Variants in FAM217A observed in about 807,000 individuals in gnomAD.
FAM217A encodes the protein family with sequence similarity 217 member A, also known as protein FAM217A.
Under a neutral mutation model 18.5 loss-of-function variants are expected in FAM217A, and 13 were observed. The ratio of observed to expected loss-of-function variants is 0.70; its 90% CI spans 0.46 to 1.12. The LOEUF is 1.12. FAM217A is among the 50% of genes most tolerant of loss of function. FAM217A has a pLI of 0.00. For synonymous variants in FAM217A, 161 were observed against 202.8 expected, an observed-to-expected ratio of 0.79 and a Z score of 1.75; for missense variants, 560 against 575.4, an observed-to-expected ratio of 0.97 and a Z score of 0.27.
intron 6 of FAM217A, among the ~76,000 whole-genome samples, chr6:4,071,422 GT>G (rs1364276126): frequency 6.6e-6 from 1 of 152,108 alleles, no homozygotes; most frequent in Non-Finnish European, 1.5e-5. Context: ...ACATTGTTCT[GT>G]TTAGTCCTCA....
Position 4,072,190 on chromosome 6 carries a change from A to G in FAM217A, c.302+1085T>C, listed in dbSNP as rs143748016. On this transcript the variant is annotated intron_variant, in intron 6 of 6. Coordinates refer to ENST00000274673, the MANE Select transcript of FAM217A (RefSeq NM_173563.3). ...ACCCCATCTCTACTAAAAATACAAA[A>G]ATTAGCCAGGCATGGTGGCGGGCAC... Among the ~76,000 whole-genome samples, 146 of 152,114 alleles carry G rather than the reference A, an allele frequency of 9.6e-4. 1 individual carries two copies. The highest frequency in any genetic ancestry group is 3.3e-3 in the African/African-American group (136 of 41,494).
intron 4 of FAM217A, among the ~76,000 whole-genome samples, 200 bp downstream of exon 4, chr6:4,074,243 C>T (rs1361904141): frequency 1.3e-5 from 2 of 152,116 alleles, no homozygotes; most frequent in African/African-American, 2.4e-5. Flanking sequence ...TATTGTTATA[C>T]TGAAAAATAC....
At position 4,068,410 on chromosome 6, in the gene FAM217A, A is replaced by G. The variant is rs983813326; in HGVS notation, c.*286T>C. On this transcript the variant is annotated 3_prime_UTR_variant, in exon 7 of 7. Transcript: ENST00000274673. The stretch of plus-strand genomic sequence containing the variant: ...GATGGAATTATACTGGAAAACAATC[A>G]CTGAAAAAAGAGTAGCCTTTTGAAT... 37 of 272,744 alleles carry G rather than the reference A, an allele frequency of 1.4e-4. No homozygotes were observed. Among genetic ancestry groups the G allele is most frequent in the African/African-American group, 6.6e-4 (30 of 45,584 alleles). 16.9% of individuals were successfully genotyped at this position (272,744 alleles called of 1,614,324 possible).
Position 4,068,838 on chromosome 6 carries a change from G to C in FAM217A, c.1385C>G (p.Pro462Arg), listed in dbSNP as rs1384307527. The change falls in exon 7 of 7, where the codon CCG becomes CGG. Residue 462 changes from proline to arginine, a missense_variant. Pro to Arg is a moderately radical substitution (Grantham distance 103). Transcript: ENST00000274673. ...CTTTTTGGTCCCAAAGTTTCTCTTC[G>C]GTGCCTTAATTTCTTCCTTCTGATT... The part of the protein sequence containing the change: ...PENQKEEIKA[P>R]KRNFGTKKKL... 1 of 1,613,938 alleles carries C rather than the reference G, an allele frequency of 6.2e-7. No homozygotes were observed. The highest frequency in any genetic ancestry group is 8.5e-7 in the Non-Finnish European group (1 of 1,179,998).
rs760023999 is a variant in FAM217A at position 4,069,262 on chromosome 6, G to A, written c.961C>T (p.Pro321Ser). The A allele has an allele frequency of 6.2e-6, 10 of 1,614,212 alleles. No individual in the cohort carries two copies. The highest frequency in any genetic ancestry group is 6.8e-6 in the Non-Finnish European group (8 of 1,180,044). ...TFCTPAVTER[P>S]SSSKATPKVR... is the part of the protein sequence containing the mutation. Reference sequence around the variant, plus strand: ...TTTGGTGTAGCTTTGGAGGAAGAGGGTCGTTCAGTAACTGCTGGAGTACAG... The same window carrying A: ...TTTGGTGTAGCTTTGGAGGAAGAGGATCGTTCAGTAACTGCTGGAGTACAG... Residue 321 changes from proline (P) to serine (S), a missense_variant, in exon 7 of 7, where the codon CCC becomes TCC. Transcript: ENST00000274673.
upstream of FAM217A, chr6:4,079,445 G>C (rs80018662): frequency 8.5e-6 from 3 of 354,988 alleles, no homozygotes; most frequent in South Asian, 2.2e-5. Flanking sequence ...GGGCCTTCTC[G>C]GGCCTTCTCG....
chr6:4,084,092 G>T (rs74376567), upstream of FAM217A, among the ~76,000 whole-genome samples: 2,153 of 152,152 alleles, frequency 0.014, 51 homozygotes, highest in African/African-American at 0.049. Flanking sequence ...TCCTGATTTA[G>T]AACTCTATTC....
At chr6:4,082,301 T>A (rs1197031883), upstream of FAM217A, among the ~76,000 whole-genome samples, 3 of 152,140 alleles carry the variant, frequency 2.0e-5, no homozygotes, top group Non-Finnish European at 4.4e-5. Context: ...AAATGCACCT[T>A]CCTTCTGTTG....
At chr6:4,078,829 C>CG (rs1293346576) in intron 1 of FAM217A, 23 bp downstream of exon 1, 1 of 448,576 alleles carries the variant, frequency 2.2e-6, no homozygotes, top group Non-Finnish European at 4.0e-6. Context: ...CGGGATTCCC[C>CG]GGGGCCGGGG....
Position 4,074,670 on chromosome 6 carries a change from AT to A in FAM217A, c.61-10del. The A allele has an allele frequency of 1.9e-6, 3 of 1,581,302 alleles. No individual in the cohort carries two copies. Among genetic ancestry groups the A allele is most frequent in the Non-Finnish European group, 2.6e-6 (3 of 1,151,794 alleles). On this transcript the variant is annotated splice_polypyrimidine_tract_variant and intron_variant, in intron 2 of 6. Transcript: ENST00000274673. ...TTCCAGTGAGATAAGTTCTAAAACAATATTTGTTTTAGGATAAACTTAACAT... is the reference window on the plus strand; with the variant it reads ...TTCCAGTGAGATAAGTTCTAAAACAAATTTGTTTTAGGATAAACTTAACAT...
chr6:4,079,528 GCCTTCCCCGAGGCCTCCAGGC>G, upstream of FAM217A: 3 of 1,031,364 alleles, frequency 2.9e-6, no homozygotes, highest in Admixed American at 2.6e-5. Flanking sequence ...CCCTCCCCAG[GCCTTCCCCGAGGCCTCCAGGC>G]CCTTCCCTGG....
At chr6:4,079,730 G>A (rs901365410), upstream of FAM217A, 2 of 1,049,730 alleles carry the variant, frequency 1.9e-6, no homozygotes, top group African/African-American at 3.5e-5. Context: ...TGATACATGT[G>A]AAGTTATATC....
Position 4,078,975 on chromosome 6 carries a change from C to CG in FAM217A, c.-159dup, listed in dbSNP as rs1561928358. ...CCCCTCTGCCGCGGCCTTCCTGCAG[C>CG]GGGGGGACAAAGAGGGCGGCGGGCG... On this transcript the variant is annotated 5_prime_UTR_variant, in exon 1 of 7. Transcript: ENST00000274673. 9.8e-6 allele frequency: 5 copies of CG among 509,378 alleles called. No individual in the cohort carries two copies. The highest frequency in any genetic ancestry group is 5.3e-5 in the South Asian group (2 of 37,662). 31.6% of individuals were successfully genotyped at this position (509,378 alleles called of 1,614,324 possible). A position where few individuals can be genotyped will look rare whatever the true frequency, so the allele number is the denominator to read the frequency against.
exon 2 of FAM217A, chr6:4,084,789 A>G: frequency 1.4e-6 from 1 of 703,042 alleles, no homozygotes; most frequent in Non-Finnish European, 2.6e-6. Context: ...AGAAGAAGGT[A>G]TTCAGGAGAC....
chr6:4,081,082 C>A (rs1226370124), upstream of FAM217A, among the ~76,000 whole-genome samples: 1 of 152,176 alleles, frequency 6.6e-6, no homozygotes, highest in Non-Finnish European at 1.5e-5. Context: ...CATATTCTAT[C>A]TAACAGAGTG....
chr6:4,072,771 A>G (rs1238993181), intron 6 of FAM217A, among the ~76,000 whole-genome samples: 1 of 152,146 alleles, frequency 6.6e-6, no homozygotes, highest in Non-Finnish European at 1.5e-5. Flanking sequence ...TCAAAAAAAA[A>G]AAAACCTCAG....
chr6:4,073,158 C>G (rs896227638), intron 6 of FAM217A, 117 bp downstream of exon 6: 11 of 794,622 alleles, frequency 1.4e-5, no homozygotes, highest in Non-Finnish European at 2.1e-5. Flanking sequence ...CCCACTATTC[C>G]CACAGAATAC....
At chr6:4,071,229 C>A (rs1769391639) in intron 6 of FAM217A, among the ~76,000 whole-genome samples, 1 of 152,108 alleles carries the variant, frequency 6.6e-6, no homozygotes. Flanking sequence ...TGGAGGTAGT[C>A]TGAGAAGCAA....
intron 6 of FAM217A, among the ~76,000 whole-genome samples, chr6:4,070,761 T>C (rs1044743363): frequency 1.3e-5 from 2 of 152,126 alleles, no homozygotes; most frequent in Non-Finnish European, 2.9e-5. Context: ...TCCCAACACT[T>C]TGGGAGGCCA....
Sources: allele counts gnomAD v4.1 joint callset (sites outside exome capture counted in the v4.1 genomes callset), GRCh38; gene constraint gnomAD v4.1.1; transcripts MANE v1.5; gene names NCBI Gene and HGNC (gene_info 2026-07-23, HGNC 2026-07-21).